Variants in DOCK1 observed in about 807,000 individuals in gnomAD.
The protein encoded by DOCK1 is dedicator of cytokinesis 1, also known as dedicator of cytokinesis protein 1.
Under a neutral mutation model 262.7 loss-of-function variants are expected in DOCK1, and 138 were observed. The ratio of observed to expected loss-of-function variants is 0.53; its 90% CI spans 0.46 to 0.61. DOCK1 has a LOEUF of 0.61. Among genes scored for constraint, DOCK1 ranks in the 20% least tolerant of loss-of-function variants. The pLI is 0.00. For missense variants in DOCK1, 1,908 were observed against 2,370.7 expected (o/e 0.80, Z 4.05); for synonymous variants, 866 against 867.4 (o/e 1.00, Z 0.03).
chr10:127,187,550 T>G (rs2134048464), intron 27 of DOCK1, among the ~76,000 whole-genome samples: 1 of 152,078 alleles, frequency 6.6e-6, no homozygotes, highest in Middle Eastern at 3.4e-3. Context: ...TGTGTGTGGG[T>G]TTTTAAAGAG....
chr10:127,000,459 T>G, intron 10 of DOCK1, 152 bp downstream of exon 10: 1 of 1,203,082 alleles, frequency 8.3e-7, no homozygotes, highest in Non-Finnish European at 1.1e-6. Flanking sequence ...TTATTTTCAT[T>G]GTGGCTTCAA....
At position 126,996,761 on chromosome 10, in the gene DOCK1, G is replaced by GACCT; in HGVS notation, c.488_491dup (p.Val165ProfsTer4). On this transcript the variant is annotated frameshift_variant, in exon 7 of 52. Transcript: ENST00000623213. LOFTEE classifies it high-confidence loss of function. The stretch of plus-strand genomic sequence containing the variant: ...TTGTTGTTCTAGAATTCTAGATTTG[G>GACCT]ACCTGGTGGTTAGAGATGAAGATGG... 6.2e-7 allele frequency: 1 copy of GACCT among 1,610,952 alleles called. No individual in the cohort carries two copies. Among genetic ancestry groups the GACCT allele is most frequent in the Non-Finnish European group, 8.5e-7 (1 of 1,178,966 alleles).
chr10:127,176,419 A>C lies in DOCK1; in HGVS notation c.2847+48655A>C, dbSNP rs1387858159. The stretch of plus-strand genomic sequence containing the variant: ...ATGGTTCCTGCATTCAGAAACAGCA[A>C]CAGAGGTGTCAGTGGGACAGAAATA... On this transcript the variant is annotated intron_variant, in intron 27 of 51. Coordinates refer to ENST00000623213, the MANE Select transcript of DOCK1 (RefSeq NM_001290223.2). This position sits in a 1 kb window ranked among gnomAD's most constrained non-coding sequence, Gnocchi z 4.4. 1 of 1,572,254 alleles carries C rather than the reference A, an allele frequency of 6.4e-7. No individual in the cohort carries two copies.
In DOCK1 at chr10:127,451,429, G is replaced by A. The variant is rs2229605; in HGVS notation, c.*2G>A. 0.52 allele frequency: 810,367 copies of A among 1,570,706 alleles called. 213,112 individuals carry two copies. The highest frequency in any genetic ancestry group is 0.56 in the Middle Eastern group (3,354 of 6,016). ...GTGGACTCCGGGATCGTGCAGTGAC[G>A]TCGCAAGCCTCTCTGGAAAGAGTGT... On this transcript the variant is annotated 3_prime_UTR_variant, in exon 52 of 52. Transcript: ENST00000623213.
At chr10:127,106,955 C>T (rs2136223579) in intron 24 of DOCK1, among the ~76,000 whole-genome samples, 1 of 152,092 alleles carries the variant, frequency 6.6e-6, no homozygotes, top group Admixed American at 6.5e-5. Flanking sequence ...GATACACAGC[C>T]TTTTTAATTT....
intron 27 of DOCK1, among the ~76,000 whole-genome samples, chr10:127,238,145 A>C (rs2059138133): frequency 6.6e-6 from 1 of 152,178 alleles, no homozygotes; most frequent in Non-Finnish European, 1.5e-5. Context: ...TGATTCCCGA[A>C]TAGAATGTAA....
intron 33 of DOCK1, among the ~76,000 whole-genome samples, chr10:127,368,871 GAACT>G (rs1273052337): frequency 6.6e-6 from 1 of 152,092 alleles, no homozygotes; most frequent in African/African-American, 2.4e-5. Flanking sequence ...GGAAAATACA[GAACT>G]AACAGCTGAG....
chr10:127,345,437 C>T (rs1385521342), intron 31 of DOCK1, among the ~76,000 whole-genome samples: 1 of 152,176 alleles, frequency 6.6e-6, no homozygotes, highest in Non-Finnish European at 1.5e-5. Context: ...TCAGGGCCCA[C>T]GATTTTCACC....
chr10:127,316,874 C>T (rs2062305620), intron 29 of DOCK1, among the ~76,000 whole-genome samples: 1 of 152,128 alleles, frequency 6.6e-6, no homozygotes, highest in African/African-American at 2.4e-5. Context: ...AACATTGCCA[C>T]TCCCCCTCCA....
intron 18 of DOCK1, among the ~76,000 whole-genome samples, chr10:127,033,754 T>C (rs2135547136): frequency 6.6e-6 from 1 of 152,262 alleles, no homozygotes; most frequent in East Asian, 1.9e-4. Flanking sequence ...AGTCAGGACA[T>C]TGTAGTGGAG....
At chr10:127,436,830 T>A (rs1181536524) in intron 48 of DOCK1, among the ~76,000 whole-genome samples, 3 of 152,130 alleles carry the variant, frequency 2.0e-5, no homozygotes, top group African/African-American at 4.8e-5. Flanking sequence ...GAGTGTTAAT[T>A]TCCCATTGTC....
intron 23 of DOCK1, among the ~76,000 whole-genome samples, chr10:127,062,528 G>A (rs2045602201): frequency 6.6e-6 from 1 of 152,188 alleles, no homozygotes; most frequent in Non-Finnish European, 1.5e-5. Context: ...AAGTGGACTT[G>A]TAGATGAAGG....
rs538696054 is a variant in DOCK1 at position 127,156,299 on chromosome 10, T to C, written c.2847+28535T>C. ...TCACACTTCAGGTCCAGGATCTCAT[T>C]ATTCTTAGGCCCCAGGCTTCTGATG... is the stretch of plus-strand genomic sequence containing the variant. On this transcript the variant is annotated intron_variant, in intron 27 of 51. Coordinates refer to ENST00000623213, the MANE Select transcript of DOCK1 (RefSeq NM_001290223.2). Among the ~76,000 whole-genome samples the C allele has an allele frequency of 2.6e-5, 4 of 152,222 alleles. No individual in the cohort carries two copies. The South Asian group carries it at 8.3e-4, about 32-fold the overall frequency.
intron 23 of DOCK1, among the ~76,000 whole-genome samples, chr10:127,103,449 G>A (rs965897733): frequency 1.3e-5 from 2 of 152,144 alleles, no homozygotes; most frequent in Non-Finnish European, 2.9e-5. Context: ...GAAGAGCGTG[G>A]GGTGAAGGGA....
At chr10:127,075,470 T>G (rs1195808918) in intron 23 of DOCK1, among the ~76,000 whole-genome samples, 1 of 152,036 alleles carries the variant, frequency 6.6e-6, no homozygotes, top group East Asian at 1.9e-4. Context: ...TATGGTTTCG[T>G]CATATATTAG....
At chr10:127,088,394 A>G (rs368608758) in intron 23 of DOCK1, among the ~76,000 whole-genome samples, 8 of 152,174 alleles carry the variant, frequency 5.3e-5, no homozygotes, top group Non-Finnish European at 1.2e-4. Flanking sequence ...ATACCCTTAG[A>G]AATTATTAAA....
Position 127,373,795 on chromosome 10 carries a change from C to A in DOCK1, c.3447C>A (p.Ile1149=), listed in dbSNP as rs1300836768. The change falls in exon 34 of 52, where the codon ATC becomes ATA. Residue 1149 remains isoleucine (I), a synonymous_variant. Transcript: ENST00000623213. The stretch of plus-strand genomic sequence containing the variant: ...TTTAATTATAGTTTGAAAATGAGAT[C>A]ATCACCAAGCTGGATCATGAAGTCG... ...TRSFQMFENE[I]ITKLDHEVEG... is the part of the protein sequence containing the mutation. The A allele has an allele frequency of 1.2e-6, 2 of 1,610,534 alleles. No homozygotes were observed. Among genetic ancestry groups the A allele is most frequent in the Non-Finnish European group, 1.7e-6 (2 of 1,178,328 alleles).
intron 22 of DOCK1, among the ~76,000 whole-genome samples, chr10:127,059,710 T>C (rs1171094835): frequency 2.0e-5 from 3 of 152,236 alleles, no homozygotes; most frequent in Admixed American, 6.5e-5. Context: ...TTTTATCTTA[T>C]TTTCCCTGTT....
At chr10:127,391,996 C>T (rs1042916958) in intron 38 of DOCK1, among the ~76,000 whole-genome samples, 8 of 106,916 alleles carry the variant, frequency 7.5e-5, no homozygotes, top group African/African-American at 1.7e-4. Flanking sequence ...GAGTAGGAAT[C>T]GAGCCTCCAG....
Sources: allele counts gnomAD v4.1 joint callset (sites outside exome capture counted in the v4.1 genomes callset), GRCh38; gene constraint gnomAD v4.1.1; non-coding constraint Gnocchi (gnomAD v3.1); transcripts MANE v1.5; gene names NCBI Gene and HGNC (gene_info 2026-07-23, HGNC 2026-07-21).